Variants in RASGRF1 observed in about 807,000 individuals in gnomAD.
RASGRF1 encodes ras-specific guanine nucleotide-releasing factor 1.
Under a neutral mutation model 138.7 loss-of-function variants are expected in RASGRF1, and 40 were observed. The ratio of observed to expected loss-of-function variants is 0.29; its 90% CI spans 0.22 to 0.38. The LOEUF is 0.38. Ranked by LOEUF, RASGRF1 falls within the 10% of genes least tolerant of loss-of-function variation. The pLI, the probability that RASGRF1 is intolerant of heterozygous loss-of-function variation, is 1.00. For synonymous variants in RASGRF1, 614 were observed against 663.2 expected, an observed-to-expected ratio of 0.93 and a Z score of 1.14; for missense variants, 1,108 against 1,650.4, an observed-to-expected ratio of 0.67 and a Z score of 5.69.
chr15:79,028,117 T>A (rs4778603), intron 8 of RASGRF1, among the ~76,000 whole-genome samples: 73,741 of 151,998 alleles, frequency 0.49, 19,145 homozygotes, highest in South Asian at 0.63. Context: ...AAAAGAAAAC[T>A]GAAGTCAGCA....
chr15:78,995,837 C>G, intron 19 of RASGRF1, 37 bp from the exon 20 acceptor site: 1 of 1,608,976 alleles, frequency 6.2e-7, no homozygotes, highest in Non-Finnish European at 8.5e-7. Context: ...AGCCCCACTT[C>G]ACGTTGCAGC....
At chr15:79,090,077 C>T (rs2058033875) in intron 1 of RASGRF1, 146 bp downstream of exon 1, 3 of 1,209,044 alleles carry the variant, frequency 2.5e-6, no homozygotes, top group African/African-American at 1.5e-5. Context: ...GGGAGCAAGC[C>T]TCCCCTCTCG....
intron 1 of RASGRF1, among the ~76,000 whole-genome samples, chr15:79,088,496 T>C (rs1340264356): frequency 6.6e-6 from 1 of 152,168 alleles, no homozygotes; most frequent in African/African-American, 2.4e-5. Context: ...GTCATACAGC[T>C]GAGATTCAGT....
chr15:79,006,054 C>T lies in RASGRF1; in HGVS notation c.2075+132G>A, dbSNP rs1173036993. On this transcript the variant is annotated intron_variant, in intron 14 of 26. Coordinates refer to ENST00000558480, the MANE Select transcript of RASGRF1 (RefSeq NM_001145648.3). The surrounding 1 kb of genome is among the most constrained non-coding windows in gnomAD (Gnocchi z 4.0). The stretch of plus-strand genomic sequence containing the variant: ...GAGGGGGCAGTGGCGGTGTGTGTCC[C>T]GCAGCACCCCAACACGTTACTGCTG... 25 of 1,325,626 alleles carry T rather than the reference C, an allele frequency of 1.9e-5. No homozygotes were observed. The Admixed American group carries it at 2.9e-4, about 15-fold the overall frequency. The allele number at this position is 1,325,626 out of a possible 1,614,324, so 82.1% of individuals were successfully genotyped here. A position where few individuals can be genotyped will look rare whatever the true frequency, so the allele number is the denominator to read the frequency against.
At chr15:79,029,503 C>T (rs993404787) in intron 8 of RASGRF1, among the ~76,000 whole-genome samples, 3 of 152,220 alleles carry the variant, frequency 2.0e-5, no homozygotes, top group South Asian at 2.1e-4. Context: ...GACCCATATG[C>T]GCACACAGCT....
chr15:79,090,748 A>C lies in RASGRF1; in HGVS notation c.-250T>G. The C allele has an allele frequency of 3.8e-6, 2 of 525,184 alleles. No individual in the cohort carries two copies. Among genetic ancestry groups the C allele is most frequent in the Middle Eastern group, 5.1e-4 (1 of 1,976 alleles). 32.5% of individuals were successfully genotyped at this position (525,184 alleles called of 1,614,324 possible). ...CCCAGTACCCGGAAGATGCCGCCCG[A>C]CCCTCCTCCGGTGCCGGGCAAACTG... On this transcript the variant is annotated 5_prime_UTR_variant, in exon 1 of 27. Coordinates refer to ENST00000558480, the MANE Select transcript of RASGRF1 (RefSeq NM_001145648.3).
chr15:79,069,071 T>C (rs1207197078), intron 1 of RASGRF1, among the ~76,000 whole-genome samples: 1 of 152,108 alleles, frequency 6.6e-6, no homozygotes, highest in Admixed American at 6.5e-5. Context: ...CCCTCCTTCC[T>C]TGGAGCCTCA....
intron 26 of RASGRF1, 32 bp from the exon 27 acceptor site, chr15:78,962,268 G>C (rs1567408758): frequency 7.1e-7 from 1 of 1,409,206 alleles, no homozygotes; most frequent in Non-Finnish European, 9.8e-7. Context: ...GGGAATGGGA[G>C]GGTTGTGGGA....
intron 3 of RASGRF1, among the ~76,000 whole-genome samples, chr15:79,052,436 C>A (rs1048608925): frequency 2.6e-5 from 4 of 152,194 alleles, no homozygotes; most frequent in Admixed American, 2.0e-4. Flanking sequence ...CCTCTGCCCC[C>A]ATCCAAGCCC....
chr15:79,069,876 C>T (rs1406583617), intron 1 of RASGRF1, among the ~76,000 whole-genome samples: 5 of 152,172 alleles, frequency 3.3e-5, no homozygotes, highest in African/African-American at 1.2e-4. Context: ...AGTAAAAACC[C>T]ATATCCCACA....
chr15:78,971,767 G>T, intron 26 of RASGRF1, 99 bp downstream of exon 26: 1 of 1,138,186 alleles, frequency 8.8e-7, no homozygotes, highest in Non-Finnish European at 1.3e-6. Flanking sequence ...GAGAATTCTG[G>T]AAGGGAAAGT....
At chr15:78,999,973 GA>G in intron 16 of RASGRF1, 60 bp from the exon 17 acceptor site, 1 of 1,557,924 alleles carries the variant, frequency 6.4e-7, no homozygotes, top group Admixed American at 1.7e-5. Context: ...CAGGCTGTTA[GA>G]AAACCAGGGG....
intron 1 of RASGRF1, among the ~76,000 whole-genome samples, chr15:79,066,718 C>A (rs1172998973): frequency 6.6e-6 from 1 of 152,186 alleles, no homozygotes; most frequent in African/African-American, 2.4e-5. Context: ...TCCCCTACAG[C>A]CTCACCCCTG....
At chr15:79,010,086 T>C (rs550151688) in intron 13 of RASGRF1, among the ~76,000 whole-genome samples, 1 of 150,296 alleles carries the variant, frequency 6.7e-6, no homozygotes, top group African/African-American at 2.4e-5. Flanking sequence ...TCGCCCAGTC[T>C]GGAGGGCAGT....
chr15:79,086,560 A>G (rs2057982450), intron 1 of RASGRF1, among the ~76,000 whole-genome samples: 1 of 134,754 alleles, frequency 7.4e-6, no homozygotes, highest in Non-Finnish European at 1.6e-5. Context: ...AAGTGGGTAG[A>G]CAACAGGTTC....
At chr15:79,082,875 G>A (rs944897038) in intron 1 of RASGRF1, among the ~76,000 whole-genome samples, 3 of 152,142 alleles carry the variant, frequency 2.0e-5, no homozygotes, top group East Asian at 1.9e-4. Flanking sequence ...TCCAGCCTGC[G>A]AGAGACCCCA....
chr15:78,977,271 G>A (rs968236255), intron 24 of RASGRF1, among the ~76,000 whole-genome samples: 2 of 152,186 alleles, frequency 1.3e-5, no homozygotes, highest in Admixed American at 6.5e-5. Context: ...GCCGGCTGTG[G>A]TTGGGGATCT....
intron 17 of RASGRF1, among the ~76,000 whole-genome samples, chr15:78,999,190 A>G (rs562930574): frequency 6.6e-6 from 1 of 152,234 alleles, no homozygotes; most frequent in South Asian, 2.1e-4. Flanking sequence ...GGGAGGTGGG[A>G]GCATGGCGGG....
In RASGRF1 at chr15:79,049,543, T is replaced by C. The variant is rs2057401356; in HGVS notation, c.577A>G (p.Thr193Ala). The C allele has an allele frequency of 6.2e-7, 1 of 1,614,058 alleles. No homozygotes were observed. The highest frequency in any genetic ancestry group is 8.5e-7 in the Non-Finnish European group (1 of 1,180,004). The change falls in exon 4 of 27, where the codon ACT becomes GCT. Residue 193 changes from threonine to alanine, a missense_variant. This residue lies in a region of RASGRF1 where 253 missense variants were observed against 329.5 expected (regional missense o/e 0.77). Transcript: ENST00000558480. ...KDNERIQSTQTVAPNDEDSDI... is the reference protein window; with the variant it reads ...KDNERIQSTQAVAPNDEDSDI... ...CTGTCTTCATCGTTGGGGGCGACAG[T>C]CTGGGTGGACTGGATGCGCTCATTG... is the stretch of plus-strand genomic sequence containing the variant.
Sources: allele counts gnomAD v4.1 joint callset (sites outside exome capture counted in the v4.1 genomes callset), GRCh38; gene constraint gnomAD v4.1.1; regional missense constraint gnomAD v4.1.1; non-coding constraint Gnocchi (gnomAD v3.1); transcripts MANE v1.5; gene names NCBI Gene and HGNC (gene_info 2026-07-23, HGNC 2026-07-21).